SESTD1: variants seen among roughly 807,000 people sequenced by gnomAD.
SESTD1 encodes SEC14 domain and spectrin repeat-containing protein 1.
SESTD1 carries 43 observed loss-of-function variants against 101.7 expected under a neutral mutation model. That is an observed-to-expected ratio of 0.42 (90% CI 0.33 to 0.55). The LOEUF (loss-of-function observed/expected upper bound fraction) is 0.55, where lower values mean the gene tolerates loss of function less well. Among genes scored for constraint, SESTD1 ranks in the 20% least tolerant of loss-of-function variants. SESTD1 has a pLI of 0.07. For missense variants in SESTD1, 647 were observed against 815.1 expected, an observed-to-expected ratio of 0.79 and a Z score of 2.51; for synonymous variants, 283 against 286.8, an observed-to-expected ratio of 0.99 and a Z score of 0.13.
chr2:179,229,165 A>C (rs943394275), intron 1 of SESTD1, among the ~76,000 whole-genome samples: 15 of 152,224 alleles, frequency 9.9e-5, no homozygotes, highest in Non-Finnish European at 7.3e-5. Context: ...ATATCTGGTT[A>C]AACATTATGT....
At chr2:179,172,907 G>A (rs532399244) in intron 4 of SESTD1, among the ~76,000 whole-genome samples, 2 of 152,188 alleles carry the variant, frequency 1.3e-5, no homozygotes, top group African/African-American at 4.8e-5. Context: ...TGTTAACAAC[G>A]CCAAACTATC....
intron 2 of SESTD1, among the ~76,000 whole-genome samples, chr2:179,188,455 C>T (rs1035127164): frequency 6.6e-6 from 1 of 152,266 alleles, no homozygotes; most frequent in South Asian, 2.1e-4. Flanking sequence ...CTGTGCAACA[C>T]AGCAAAACCC....
intron 10 of SESTD1, 38 bp downstream of exon 10, chr2:179,132,266 T>TA: frequency 6.6e-7 from 1 of 1,517,132 alleles, no homozygotes; most frequent in Non-Finnish European, 8.8e-7. Context: ...CCCACGTTCA[T>TA]AATATCATTG....
At chr2:179,236,120 C>T (rs533827094) in intron 1 of SESTD1, among the ~76,000 whole-genome samples, 14 of 151,726 alleles carry the variant, frequency 9.2e-5, no homozygotes, top group Admixed American at 2.6e-4. Flanking sequence ...CAAGAGCTCA[C>T]TGACAGAAGG....
intron 10 of SESTD1, 140 bp downstream of exon 10, chr2:179,132,164 T>C: frequency 1.1e-6 from 1 of 952,268 alleles, no homozygotes; most frequent in Non-Finnish European, 1.4e-6. Context: ...AAATGTACTT[T>C]ATGACCTCTA....
intron 1 of SESTD1, among the ~76,000 whole-genome samples, chr2:179,236,388 T>G (rs1428032368): frequency 6.6e-6 from 1 of 150,416 alleles, no homozygotes; most frequent in Non-Finnish European, 1.5e-5. Flanking sequence ...CCCTAGCTAC[T>G]TGCGAGGCTG....
chr2:179,198,981 C>T (rs559906541), intron 1 of SESTD1, among the ~76,000 whole-genome samples: 1 of 152,034 alleles, frequency 6.6e-6, no homozygotes, highest in Non-Finnish European at 1.5e-5. Flanking sequence ...GAAATAGAGA[C>T]ACAAAAAATC....
intron 9 of SESTD1, 31 bp from the exon 10 acceptor site, chr2:179,132,457 A>C: frequency 6.5e-7 from 1 of 1,539,476 alleles, no homozygotes; most frequent in Non-Finnish European, 8.6e-7. Context: ...AACATTTTTT[A>C]AAGAATCAGA....
chr2:179,128,240 C>A (rs1035509259), intron 10 of SESTD1, among the ~76,000 whole-genome samples: 6 of 152,154 alleles, frequency 3.9e-5, no homozygotes, highest in Admixed American at 1.3e-4. Flanking sequence ...TAGGCTCCAG[C>A]AACCTGACCA....
rs1359096954 is a variant in SESTD1 at position 179,206,105 on chromosome 2, A to G, written c.-25-14239T>C. Among the ~76,000 whole-genome samples the G allele has an allele frequency of 8.9e-5, 12 of 135,390 alleles. 3 individuals are homozygous for G. Among genetic ancestry groups the G allele is most frequent in the African/African-American group, 3.5e-4 (12 of 34,366 alleles). 88.8% of individuals were successfully genotyped at this position (135,390 alleles called of 152,430 possible). A position where few individuals can be genotyped will look rare whatever the true frequency, so the allele number is the denominator to read the frequency against. On this transcript the variant is annotated intron_variant, in intron 1 of 17. Transcript: ENST00000428443. ...CAACCAACACCACCACCACCTCCAC[A>G]ATAAAATGTTAAATAACATGAAGGT...
At chr2:179,209,651 C>A (rs2046627169) in intron 1 of SESTD1, among the ~76,000 whole-genome samples, 1 of 134,218 alleles carries the variant, frequency 7.5e-6, no homozygotes, top group Non-Finnish European at 1.6e-5. Flanking sequence ...GAAAAAATTT[C>A]TTTGAACTGA....
chr2:179,163,389 T>G (rs925684630), intron 5 of SESTD1, among the ~76,000 whole-genome samples: 2 of 152,172 alleles, frequency 1.3e-5, no homozygotes, highest in Admixed American at 6.5e-5. Flanking sequence ...ATGAACATTC[T>G]AATATTTATG....
chr2:179,245,046 T>C (rs1327538681), intron 1 of SESTD1, among the ~76,000 whole-genome samples: 1 of 152,142 alleles, frequency 6.6e-6, no homozygotes, highest in African/African-American at 2.4e-5. Flanking sequence ...ACGAAACACA[T>C]GAATCAAAAT....
rs535768303 is a variant in SESTD1, at chr2:179,212,674, C to G, written c.-25-20808G>C. 6.6e-5 allele frequency among the ~76,000 whole-genome samples: 9 copies of G among 135,594 alleles called. 3 individuals carry two copies. Among genetic ancestry groups the G allele is most frequent in the Non-Finnish European group, 1.4e-4 (9 of 62,848 alleles). 89.0% of individuals were successfully genotyped at this position (135,594 alleles called of 152,430 possible). A position where few individuals can be genotyped will look rare whatever the true frequency, so the allele number is the denominator to read the frequency against. On this transcript the variant is annotated intron_variant, in intron 1 of 17. Transcript: ENST00000428443. Reference sequence around the variant, plus strand: ...ATGGCGTTTGAGCTCTGAGAATGGACAGATTGCCTCTTCAAGTGGGTCCCT... The same window carrying G: ...ATGGCGTTTGAGCTCTGAGAATGGAGAGATTGCCTCTTCAAGTGGGTCCCT...
chr2:179,155,628 A>G (rs2045613591), intron 5 of SESTD1, among the ~76,000 whole-genome samples: 1 of 152,206 alleles, frequency 6.6e-6, no homozygotes, highest in South Asian at 2.1e-4. Flanking sequence ...AAAAAAAACA[A>G]AACGTAAGGA....
Position 179,108,653 on chromosome 2 carries a change from C to T in SESTD1, c.*1246G>A, listed in dbSNP as rs1284778814. ...CATGTTTGTAGACCTCAAAAAGGAACCAGTATACAACTCGTTTATAATTTT... is the reference window on the plus strand; with the variant it reads ...CATGTTTGTAGACCTCAAAAAGGAATCAGTATACAACTCGTTTATAATTTT... On this transcript the variant is annotated 3_prime_UTR_variant, in exon 18 of 18. Transcript: ENST00000428443. The T allele has an allele frequency of 6.6e-6, 1 of 150,900 alleles. No individual in the cohort carries two copies. Among genetic ancestry groups the T allele is most frequent in the Non-Finnish European group, 1.5e-5 (1 of 67,758 alleles). 9.3% of individuals were successfully genotyped at this position (150,900 alleles called of 1,614,324 possible).
intron 14 of SESTD1, 116 bp downstream of exon 14, chr2:179,117,416 C>T: frequency 1.2e-6 from 1 of 831,352 alleles, no homozygotes; most frequent in Non-Finnish European, 1.8e-6. Flanking sequence ...TAAACTAGAA[C>T]CTGACTTCAA....
chr2:179,117,640 T>C (rs2044662798), intron 13 of SESTD1, 27 bp from the exon 14 acceptor site: 1 of 1,527,378 alleles, frequency 6.5e-7, no homozygotes, highest in Non-Finnish European at 8.8e-7. Context: ...TAAATTTAAC[T>C]CATCATTTCT....
At chr2:179,250,068 A>G (rs2047293186) in intron 1 of SESTD1, among the ~76,000 whole-genome samples, 1 of 152,186 alleles carries the variant, frequency 6.6e-6, no homozygotes, top group African/African-American at 2.4e-5. Flanking sequence ...ACAACATGTT[A>G]AAACAATGAA....
Sources: gnomAD v4.1 joint callset for allele counts (sites outside exome capture counted in the v4.1 genomes callset) on GRCh38, gnomAD v4.1.1 for gene constraint, MANE v1.5 for transcripts, NCBI Gene and HGNC (gene_info 2026-07-23, HGNC 2026-07-21) for gene names.